Variants in BCORL1 observed in about 807,000 individuals in gnomAD.
BCORL1 encodes the protein BCL-6 corepressor-like protein 1.
Under a neutral mutation model 87.6 loss-of-function variants are expected in BCORL1, and 7 were observed. The ratio of observed to expected loss-of-function variants is 0.08; its 90% confidence interval spans 0.05 to 0.15. The LOEUF is 0.15. BCORL1 is among the 10% of genes least tolerant of loss of function. The pLI, the probability that BCORL1 is intolerant of heterozygous loss-of-function variation, is 1.00. For missense variants in BCORL1, 1,215 were observed against 1,499.7 expected, an observed-to-expected ratio of 0.81 and a Z score of 3.13; for synonymous variants, 591 against 634.4, an observed-to-expected ratio of 0.93 and a Z score of 1.03.
rs765161362 is a variant in BCORL1 at position 130,008,270 on chromosome X, T to C, written c.86+2953T>C. Among the ~76,000 whole-genome samples the C allele has an allele frequency of 1.3e-4, 14 of 108,472 alleles. No individual in the cohort carries two copies. The East Asian group carries it at 4.0e-3, about 31-fold the overall frequency. 94.2% of individuals were successfully genotyped at this position (108,472 alleles called of 115,157 possible). A position where few individuals can be genotyped will look rare whatever the true frequency, so the allele number is the denominator to read the frequency against. On this transcript the variant is annotated intron_variant, in intron 2 of 13. Transcript: ENST00000540052. ...GCCTAGTGCTTAAGAGGACATTTTT[T>C]TTTTTTTTTTGAGACAGAGTTTAGC...
At chrX:129,991,122 T>C (rs1239072415) in intron 1 of BCORL1, among the ~76,000 whole-genome samples, 10 of 109,630 alleles carry the variant, frequency 9.1e-5, no homozygotes. Context: ...TTATATTATT[T>C]ATTTATTTTT....
At chrX:130,016,322 C>A in intron 4 of BCORL1, 109 bp downstream of exon 4, 1 of 984,333 alleles carries the variant, frequency 1.0e-6, no homozygotes, top group Non-Finnish European at 1.4e-6. Flanking sequence ...TGCTGTTGGG[C>A]AGCTGTGTGA....
chrX:130,015,971 C>A lies in BCORL1; in HGVS notation c.3199C>A (p.Arg1067=), dbSNP rs373106469. The change falls in exon 4 of 14, where the codon CGG becomes AGG. Residue 1067 remains arginine, a synonymous_variant. Coordinates refer to ENST00000540052, the MANE Select transcript of BCORL1 (RefSeq NM_001379451.1). The part of the protein sequence containing the change: ...DVVFNLATCF[R]ADGLPVAPQR... The stretch of plus-strand genomic sequence containing the variant: ...GGTCTTCAATTTAGCCACCTGCTTC[C>A]GGGCTGATGGCCTCCCAGTGGCTCC... 2.5e-6 allele frequency: 3 copies of A among 1,210,038 alleles called. No individual in the cohort carries two copies. The highest frequency in any genetic ancestry group is 3.5e-5 in the African/African-American group (2 of 57,200).
At chrX:130,020,045 TG>T (rs1929686082) in intron 4 of BCORL1, among the ~76,000 whole-genome samples, 1 of 112,051 alleles carries the variant, frequency 8.9e-6, no homozygotes, top group Non-Finnish European at 1.9e-5. Flanking sequence ...GCCGAGGAAG[TG>T]ATTCAGGGAA....
chrX:130,036,826 C>T (rs1430272019), intron 9 of BCORL1, among the ~76,000 whole-genome samples: 2 of 111,509 alleles, frequency 1.8e-5, no homozygotes, highest in East Asian at 5.7e-4. Context: ...ATACCACCAC[C>T]CAGATGAGTG....
At chrX:129,984,307 C>T (rs1337994787) in intron 1 of BCORL1, among the ~76,000 whole-genome samples, 3 of 23,934 alleles carry the variant, frequency 1.3e-4, no homozygotes, top group Non-Finnish European at 2.4e-4. Context: ...AGGCGGCGCG[C>T]GGTGGGGAGG....
chrX:130,010,515 C>T (rs1231152752), intron 2 of BCORL1: 1 of 110,282 alleles, frequency 9.1e-6, no homozygotes, highest in African/African-American at 3.3e-5. Flanking sequence ...CAGTCACTTC[C>T]AGCAGTGGAG....
chrX:129,996,744 T>C (rs1464315807), intron 1 of BCORL1, among the ~76,000 whole-genome samples: 1 of 111,352 alleles, frequency 9.0e-6, no homozygotes, highest in African/African-American at 3.3e-5. Context: ...CACAGCCTCC[T>C]GAGTAGCTGG....
chrX:130,022,082 C>T (rs955203114), intron 5 of BCORL1, among the ~76,000 whole-genome samples: 27 of 110,847 alleles, frequency 2.4e-4, no homozygotes, highest in African/African-American at 8.2e-4. Context: ...CCACTGCGTC[C>T]GGCCTCATCT....
At chrX:130,009,408 C>T (rs185322231) in intron 2 of BCORL1, among the ~76,000 whole-genome samples, 9 of 106,804 alleles carry the variant, frequency 8.4e-5, no homozygotes, top group Non-Finnish European at 1.5e-4. Flanking sequence ...GAGCTGAGAT[C>T]GCACCATTGC....
intron 1 of BCORL1, among the ~76,000 whole-genome samples, chrX:129,999,297 CTTTTTTTTTT>C (rs1213156086): frequency 1.0e-3 from 40 of 39,106 alleles, no homozygotes; most frequent in South Asian, 2.9e-3. Flanking sequence ...TGAAACACAT[CTTTTTTTTTT>C]TTTTTTTTTT....
chrX:130,005,309 C>G lies in BCORL1; in HGVS notation c.78C>G (p.Asn26Lys), dbSNP rs373485840. 2.2e-5 allele frequency: 27 copies of G among 1,209,449 alleles called. No individual in the cohort carries two copies. Among genetic ancestry groups the G allele is most frequent in the Non-Finnish European group, 3.0e-5 (27 of 894,669 alleles). ...SSDRIRMCGI[N>K]EERRAPLSDE... ...ACCGGATTCGCATGTGTGGCATCAA[C>G]GAGGAGAGGTGAGGAGGCCAGGAAG... Residue 26 changes from asparagine to lysine, a missense_variant, in exon 2 of 14, where the codon AAC becomes AAG. By Grantham distance (94) the Asn-to-Lys change is moderately conservative (BLOSUM62 0). Around this residue, in one of 5 missense-constraint regions of BCORL1, gnomAD observed 861 missense variants for 1,010.0 expected, o/e 0.85. Coordinates refer to ENST00000540052, the MANE Select transcript of BCORL1 (RefSeq NM_001379451.1).
At chrX:129,990,448 G>C (rs758316969) in intron 1 of BCORL1, among the ~76,000 whole-genome samples, 4 of 108,996 alleles carry the variant, frequency 3.7e-5, no homozygotes, top group Non-Finnish European at 5.7e-5. Flanking sequence ...AGCCAGGATG[G>C]TCTCAATCTC....
At chrX:130,044,134 A>T (rs772616732) in intron 11 of BCORL1, among the ~76,000 whole-genome samples, 1 of 101,769 alleles carries the variant, frequency 9.8e-6, no homozygotes, top group African/African-American at 3.6e-5. Context: ...TGATCTCTTG[A>T]CTCTCGTGAT....
chrX:130,031,226 C>T (rs1043574273), intron 8 of BCORL1, among the ~76,000 whole-genome samples: 1 of 112,885 alleles, frequency 8.9e-6, no homozygotes, highest in Non-Finnish European at 1.9e-5. Context: ...TGCCATTGTA[C>T]ATTCTATCCT....
At chrX:130,050,211 C>T (rs1187300838) in intron 11 of BCORL1, among the ~76,000 whole-genome samples, 1 of 110,008 alleles carries the variant, frequency 9.1e-6, no homozygotes, top group Non-Finnish European at 1.9e-5. Flanking sequence ...GTGGGAGGAT[C>T]GCTTGAGCTC....
intron 1 of BCORL1, among the ~76,000 whole-genome samples, chrX:129,994,245 C>T (rs995569302): frequency 4.4e-5 from 5 of 112,541 alleles, no homozygotes; most frequent in African/African-American, 1.3e-4. Context: ...AGTTTTCCCA[C>T]CGCAGTGTAG....
rs756266434 is a variant in BCORL1, at chrX:130,056,093, G to A, written c.5315G>A (p.Arg1772Gln). The change falls in exon 14 of 14, where the codon CGG becomes CAG. Residue 1772 changes from arginine (R) to glutamine (Q), a missense_variant. Arg to Gln is a conservative substitution (Grantham distance 43). Coordinates refer to ENST00000540052, the MANE Select transcript of BCORL1 (RefSeq NM_001379451.1). Reference protein sequence around the residue: ...ELVRYEPDLLRLLGSEVEFQS... With the variant: ...ELVRYEPDLLQLLGSEVEFQS... The stretch of plus-strand genomic sequence containing the variant: ...GTGCGGTACGAGCCAGACCTACTTC[G>A]GCTCCTAGGGTCCGAGGTGGAATTC... The A allele has an allele frequency of 6.7e-6, 8 of 1,190,930 alleles. No individual in the cohort carries two copies. The highest frequency in any genetic ancestry group is 2.3e-5 in the Admixed American group (1 of 43,567).
At chrX:130,016,901 G>A (rs1395399877) in intron 4 of BCORL1, among the ~76,000 whole-genome samples, 1 of 111,308 alleles carries the variant, frequency 9.0e-6, no homozygotes, top group Non-Finnish European at 1.9e-5. Context: ...AGAATCCCCT[G>A]GTCCCCCAGA....
Sources: gnomAD v4.1 joint callset for allele counts (sites outside exome capture counted in the v4.1 genomes callset) on GRCh38, gnomAD v4.1.1 for gene constraint, gnomAD v4.1.1 regional missense constraint, MANE v1.5 for transcripts, NCBI Gene and HGNC (gene_info 2026-07-23, HGNC 2026-07-21) for gene names.